The following IVNS1ABP variants were observed in gnomAD, a reference collection of about 807,000 sequenced individuals.
IVNS1ABP encodes the protein influenza virus NS1A-binding protein.
Under a neutral mutation model 78.9 loss-of-function variants are expected in IVNS1ABP, and 25 were observed. The observed-to-expected ratio is 0.32, with a 90% confidence interval of 0.23 to 0.44. The LOEUF (loss-of-function observed/expected upper bound fraction) is 0.44. Ranked by LOEUF, IVNS1ABP falls within the 20% of genes least tolerant of loss-of-function variation. IVNS1ABP has a pLI of 1.00. For synonymous variants in IVNS1ABP, 241 were observed against 259.7 expected, an observed-to-expected ratio of 0.93 and a Z score of 0.69; for missense variants, 494 against 768.9, an observed-to-expected ratio of 0.64 and a Z score of 4.23.
rs1487027677 is a variant in IVNS1ABP, at chr1:185,297,973, T to G, written c.*62A>C. 2 of 1,526,400 alleles carry G rather than the reference T, an allele frequency of 1.3e-6. No individual in the cohort carries two copies. Among genetic ancestry groups the G allele is most frequent in the Non-Finnish European group, 1.8e-6 (2 of 1,117,598 alleles). 94.6% of individuals were successfully genotyped at this position (1,526,400 alleles called of 1,614,324 possible). A position where few individuals can be genotyped will look rare whatever the true frequency, so the allele number is the denominator to read the frequency against. Reference sequence around the variant, plus strand: ...CCCACCCACCCTCTTTATTCACAAGTGTACCTCTACTAACCATAATTACAT... The same window carrying G: ...CCCACCCACCCTCTTTATTCACAAGGGTACCTCTACTAACCATAATTACAT... On this transcript the variant is annotated 3_prime_UTR_variant, in exon 15 of 15. Coordinates refer to ENST00000367498, the MANE Select transcript of IVNS1ABP (RefSeq NM_006469.5).
intron 8 of IVNS1ABP, among the ~76,000 whole-genome samples, chr1:185,303,624 T>G (rs1665657417): frequency 6.6e-6 from 1 of 152,114 alleles, no homozygotes; most frequent in Non-Finnish European, 1.5e-5. Context: ...TAAATATAAA[T>G]GTCTATTTAT....
rs773369480 is a variant in IVNS1ABP, at chr1:185,307,492, T to C, written c.528A>G (p.Leu176=). 6.8e-6 allele frequency: 11 copies of C among 1,611,006 alleles called. No individual in the cohort carries two copies. The African/African-American group carries it at 1.3e-4, about 20-fold the overall frequency. ...GTTTATAGACTTTACTCCTTACCTT[T>C]AGCCTTGGAAGCTTAAGAAACTCCT... ...EEEEFLKLPR[L]KLEVMLEDNV... Residue 176 remains leucine, a synonymous_variant, in exon 6 of 15, where the codon CTA becomes CTG. Transcript: ENST00000367498.
chr1:185,316,844 C>T, intron 1 of IVNS1ABP, 109 bp downstream of exon 1: 1 of 395,560 alleles, frequency 2.5e-6, no homozygotes, highest in Non-Finnish European at 4.5e-6. Context: ...ATGAGGACAC[C>T]GCTTCCGCGC....
intron 1 of IVNS1ABP, 101 bp downstream of exon 1, chr1:185,316,852 C>T (rs1429024848): frequency 2.5e-6 from 1 of 395,974 alleles, no homozygotes; most frequent in Non-Finnish European, 4.4e-6. Context: ...ACCGCTTCCG[C>T]GCCTCCCACC....
At chr1:185,313,205 A>G (rs766315643) in intron 1 of IVNS1ABP, among the ~76,000 whole-genome samples, 10 of 152,342 alleles carry the variant, frequency 6.6e-5, no homozygotes, top group Admixed American at 2.6e-4. Context: ...GGCAATTTGC[A>G]TCAGACAAAT....
In IVNS1ABP at chr1:185,307,074, G is replaced by C; in HGVS notation, c.597C>G (p.Ile199Met). 1 of 1,613,362 alleles carries C rather than the reference G, an allele frequency of 6.2e-7. No individual in the cohort carries two copies. The highest frequency in any genetic ancestry group is 8.5e-7 in the Non-Finnish European group (1 of 1,179,422). The change falls in exon 7 of 15, where the codon ATC becomes ATG. Residue 199 changes from isoleucine to methionine, a missense_variant. Transcript: ENST00000367498. ...PSNGKLYTKV[I>M]NWVQRSIWEN... Reference sequence around the variant, plus strand: ...CCCAGATGCTACGCTGCACCCAGTTGATTACCTTTGTATATAATTTGCCAT... The same window carrying C: ...CCCAGATGCTACGCTGCACCCAGTTCATTACCTTTGTATATAATTTGCCAT...
At chr1:185,311,006 AAG>A (rs1665872766) in intron 2 of IVNS1ABP, 87 bp downstream of exon 2, 1 of 290,986 alleles carries the variant, frequency 3.4e-6, no homozygotes, top group South Asian at 1.6e-4. Context: ...CCTTTAAAAA[AAG>A]AGTATGAAAG....
At chr1:185,310,070 T>C (rs1385646857) in intron 2 of IVNS1ABP, among the ~76,000 whole-genome samples, 1 of 152,212 alleles carries the variant, frequency 6.6e-6, no homozygotes, top group East Asian at 1.9e-4. Context: ...CTCCCTTGCC[T>C]AGTACACAAA....
At position 185,297,840 on chromosome 1, in the gene IVNS1ABP, A is replaced by G; in HGVS notation, c.*195T>C. 1.8e-6 allele frequency: 1 copy of G among 561,118 alleles called. No homozygotes were observed. Among genetic ancestry groups the G allele is most frequent in the Non-Finnish European group, 3.1e-6 (1 of 321,518 alleles). The allele number at this position is 561,118 out of a possible 1,614,324, so 34.8% of individuals were successfully genotyped here. ...CCAAAGTCTTAAAAGTACACAAAAC[A>G]GACCTTCATCTTTGCATTCCTTTCC... On this transcript the variant is annotated 3_prime_UTR_variant, in exon 15 of 15. Coordinates refer to ENST00000367498, the MANE Select transcript of IVNS1ABP (RefSeq NM_006469.5).
chr1:185,301,106 C>A lies in IVNS1ABP; in HGVS notation c.986G>T (p.Ser329Ile). Residue 329 changes from serine to isoleucine, a missense_variant, in exon 10 of 15, where the codon AGT becomes ATT. Coordinates refer to ENST00000367498, the MANE Select transcript of IVNS1ABP (RefSeq NM_006469.5). ...GRNSPQSSPTSTPKLSKSLSF... is the reference protein window; with the variant it reads ...GRNSPQSSPTITPKLSKSLSF... ...TAAACTCTTACTTAGTTTTGGAGTA[C>A]TTGTTGGTGAGCTCTGTGGGCTGTT... 2 of 1,613,476 alleles carry A rather than the reference C, an allele frequency of 1.2e-6. No homozygotes were observed. Among genetic ancestry groups the A allele is most frequent in the East Asian group, 4.5e-5 (2 of 44,862 alleles).
chr1:185,311,205 G>A lies in IVNS1ABP; in HGVS notation c.-129C>T, dbSNP rs1413096810. 2.5e-6 allele frequency: 1 copy of A among 394,604 alleles called. No homozygotes were observed. The highest frequency in any genetic ancestry group is 4.5e-6 in the Non-Finnish European group (1 of 223,388). The allele number at this position is 394,604 out of a possible 1,614,324, so 24.4% of individuals were successfully genotyped here. Reference sequence around the variant, plus strand: ...TATGAAGACAGGTGGTTGAAATGAAGGCAGGTGTGTCTTAAGCTCTAATGG... The same window carrying A: ...TATGAAGACAGGTGGTTGAAATGAAAGCAGGTGTGTCTTAAGCTCTAATGG... On this transcript the variant is annotated 5_prime_UTR_variant, in exon 2 of 15. Transcript: ENST00000367498.
At chr1:185,307,709 C>T (rs1335201721) in intron 5 of IVNS1ABP, 47 bp from the exon 6 acceptor site, 1 of 1,550,244 alleles carries the variant, frequency 6.5e-7, no homozygotes, top group Non-Finnish European at 8.8e-7. Context: ...ATCTTTTATT[C>T]AACAAATATT....
chr1:185,301,602 GACC>G lies in IVNS1ABP; in HGVS notation c.766-42_766-40del, dbSNP rs753502696. 9 of 1,610,188 alleles carry G rather than the reference GACC, an allele frequency of 5.6e-6. No individual in the cohort carries two copies. In the South Asian group the frequency reaches 9.9e-5, roughly 18 times the overall value. On this transcript the variant is annotated intron_variant, in intron 8 of 14. Coordinates refer to ENST00000367498, the MANE Select transcript of IVNS1ABP (RefSeq NM_006469.5). ...AGGTAGCTACAGAAACCTAGCCAAAGACCACATCTGATGTACCTTTGTTCCTGA... is the reference window on the plus strand; with the variant it reads ...AGGTAGCTACAGAAACCTAGCCAAAGACATCTGATGTACCTTTGTTCCTGA...
rs35647906 is a variant in IVNS1ABP at position 185,298,076 on chromosome 1, A to G, written c.1888T>C (p.Ser630Pro). 6.0e-4 allele frequency: 968 copies of G among 1,613,598 alleles called. 3 individuals are homozygous for G. In the African/African-American group the frequency reaches 0.011, roughly 19 times the overall value. Residue 630 changes from serine to proline, a missense_variant, in exon 15 of 15, where the codon TCA becomes CCA. Ser to Pro is a moderately conservative substitution (Grantham distance 74). Coordinates refer to ENST00000367498, the MANE Select transcript of IVNS1ABP (RefSeq NM_006469.5). The surrounding 1 kb of genome is among the most constrained non-coding windows in gnomAD (Gnocchi z 4.1). Reference protein sequence around the residue: ...LNTVEVYNLESNEWSPYTKIF... With the variant: ...LNTVEVYNLEPNEWSPYTKIF... ...TTTGTATAGGGGCTCCATTCATTTGACTCAAGGTTATAGACTTCCACCGTA... is the reference window on the plus strand; with the variant it reads ...TTTGTATAGGGGCTCCATTCATTTGGCTCAAGGTTATAGACTTCCACCGTA...
In IVNS1ABP at chr1:185,297,094, A is replaced by C. The variant is rs1369023707; in HGVS notation, c.*941T>G. Reference sequence around the variant, plus strand: ...CTGATAAAACCTGCATTCACAACCTAATGTAGTTTAAAGTAAATTTTTTCA... The same window carrying C: ...CTGATAAAACCTGCATTCACAACCTCATGTAGTTTAAAGTAAATTTTTTCA... On this transcript the variant is annotated 3_prime_UTR_variant, in exon 15 of 15. Transcript: ENST00000367498. The C allele has an allele frequency of 3.3e-5, 5 of 152,124 alleles. No individual in the cohort carries two copies. Among genetic ancestry groups the C allele is most frequent in the African/African-American group, 1.2e-4 (5 of 41,432 alleles). The allele number at this position is 152,124 out of a possible 1,614,324, so 9.4% of individuals were successfully genotyped here.
intron 7 of IVNS1ABP, chr1:185,306,541 A>G: frequency 7.8e-7 from 1 of 1,288,336 alleles, no homozygotes; most frequent in Non-Finnish European, 1.0e-6. Context: ...GAACTGGGGC[A>G]GGACTGCTGC....
In IVNS1ABP at chr1:185,316,077, C is replaced by A. The variant is rs537275838; in HGVS notation, c.-247+876G>T. Among the ~76,000 whole-genome samples the A allele has an allele frequency of 2.0e-4, 31 of 152,336 alleles. 1 individual carries two copies. The South Asian group carries it at 6.4e-3, about 32-fold the overall frequency. ...GGTTCAACCCTCAGCCTGATACCTT[C>A]CTATCATCAAGAGCTTATAATCAGA... On this transcript the variant is annotated intron_variant, in intron 1 of 14. Coordinates refer to ENST00000367498, the MANE Select transcript of IVNS1ABP (RefSeq NM_006469.5).
intron 4 of IVNS1ABP, 59 bp downstream of exon 4, chr1:185,308,944 A>C (rs1228663375): frequency 6.3e-7 from 1 of 1,581,252 alleles, no homozygotes; most frequent in African/African-American, 1.4e-5. Context: ...ATATGTAGCA[A>C]GACTTGGAAT....
intron 1 of IVNS1ABP, among the ~76,000 whole-genome samples, chr1:185,314,542 G>T (rs1665964849): frequency 1.3e-5 from 2 of 152,182 alleles, no homozygotes; most frequent in South Asian, 4.1e-4. Context: ...AGTGGGCGAG[G>T]AAGTAAGAGA....
Sources: gnomAD v4.1 joint callset for allele counts (sites outside exome capture counted in the v4.1 genomes callset) on GRCh38, gnomAD v4.1.1 for gene constraint, Gnocchi (gnomAD v3.1) non-coding constraint, MANE v1.5 for transcripts, NCBI Gene and HGNC (gene_info 2026-07-23, HGNC 2026-07-21) for gene names.